Variants in LRP1B observed in about 807,000 individuals in gnomAD.
LRP1B encodes LDL receptor related protein 1B, also known as low-density lipoprotein receptor-related protein 1B.
A neutral mutation model predicts 556.6 loss-of-function variants in LRP1B; 217 were observed. The observed-to-expected ratio is 0.39, with a 90% confidence interval of 0.35 to 0.44. The LOEUF is 0.44. Among genes scored for constraint, LRP1B ranks in the 20% least tolerant of loss-of-function variants. The pLI is 1.00. For missense variants in LRP1B, 5,053 were observed against 5,620.8 expected (o/e 0.90, Z 3.23); for synonymous variants, 2,047 against 1,865.8 (o/e 1.10, Z -2.50).
At chr2:140,826,606 G>C (rs927789075) in intron 31 of LRP1B, among the ~76,000 whole-genome samples, 2 of 152,098 alleles carry the variant, frequency 1.3e-5, no homozygotes, top group African/African-American at 2.4e-5. Flanking sequence ...TGGGCCTTTC[G>C]ATTCATAATG....
chr2:140,594,870 G>A (rs1004515951), intron 43 of LRP1B, among the ~76,000 whole-genome samples: 2 of 151,602 alleles, frequency 1.3e-5, no homozygotes, highest in South Asian at 2.1e-4. Flanking sequence ...GATGTTTTGC[G>A]TCTCTTCTTA....
intron 2 of LRP1B, among the ~76,000 whole-genome samples, chr2:141,686,346 G>A (rs886837949): frequency 6.6e-6 from 1 of 151,734 alleles, no homozygotes; most frequent in African/African-American, 2.4e-5. Flanking sequence ...TAAATGTTTG[G>A]GTCAGTCTAA....
intron 18 of LRP1B, among the ~76,000 whole-genome samples, chr2:140,959,082 T>C (rs74437013): frequency 1.3e-3 from 193 of 150,812 alleles, no homozygotes; most frequent in African/African-American, 4.5e-3. Context: ...TGTAAGTCTA[T>C]TGAGCTTGTC....
At chr2:140,714,382 A>G (rs139994569) in intron 37 of LRP1B, among the ~76,000 whole-genome samples, 2 of 152,246 alleles carry the variant, frequency 1.3e-5, no homozygotes, top group African/African-American at 4.8e-5. Context: ...AGGTGTAGTC[A>G]TAGGCTAAGA....
In LRP1B at chr2:140,496,100, T is replaced by C. The variant is rs566065812; in HGVS notation, c.8851-352A>G. 2.0e-5 allele frequency among the ~76,000 whole-genome samples: 3 copies of C among 152,310 alleles called. No homozygotes were observed. The South Asian group carries it at 6.2e-4, about 32-fold the overall frequency. On this transcript the variant is annotated intron_variant, in intron 55 of 90. Coordinates refer to ENST00000389484, the MANE Select transcript of LRP1B (RefSeq NM_018557.3). ...ATTACATTGTCTTTTTAGAATATTT[T>C]AGCAACTATAAGAATTAATCCTTAC...
At chr2:141,342,628 C>T (rs1039994956) in intron 3 of LRP1B, among the ~76,000 whole-genome samples, 3 of 151,482 alleles carry the variant, frequency 2.0e-5, no homozygotes, top group Non-Finnish European at 2.9e-5. Context: ...TATCAGAGAT[C>T]GAAGAACAAC....
chr2:140,679,757 G>A (rs1452123964), intron 41 of LRP1B, among the ~76,000 whole-genome samples: 1 of 151,224 alleles, frequency 6.6e-6, no homozygotes, highest in Non-Finnish European at 1.5e-5. Context: ...GGGCTAGAAT[G>A]TGGAATCAAA....
chr2:142,046,999 A>G (rs1202112393), intron 1 of LRP1B, among the ~76,000 whole-genome samples: 1 of 152,062 alleles, frequency 6.6e-6, no homozygotes, highest in East Asian at 1.9e-4. Context: ...TAATTGGCAC[A>G]GTAGGGTTCA....
intron 27 of LRP1B, among the ~76,000 whole-genome samples, chr2:140,865,236 A>C (rs187584476): frequency 2.6e-5 from 4 of 152,178 alleles, no homozygotes; most frequent in South Asian, 2.1e-4. Flanking sequence ...TTGTAAGAAA[A>C]CTGGTGCTGA....
chr2:141,641,671 G>T (rs1256694903), intron 2 of LRP1B, among the ~76,000 whole-genome samples: 1 of 152,042 alleles, frequency 6.6e-6, no homozygotes, highest in Non-Finnish European at 1.5e-5. Flanking sequence ...ATAGACATTT[G>T]TCATGTACAT....
intron 3 of LRP1B, among the ~76,000 whole-genome samples, chr2:141,276,338 G>T (rs545584811): frequency 1.6e-4 from 24 of 151,272 alleles, no homozygotes; most frequent in Admixed American, 4.6e-4. Flanking sequence ...GTGCAGGTTT[G>T]CTATATAGGT....
chr2:141,147,960 TA>T (rs2105074463), intron 7 of LRP1B, among the ~76,000 whole-genome samples: 1 of 152,334 alleles, frequency 6.6e-6, no homozygotes, highest in South Asian at 2.1e-4. Flanking sequence ...GTTTATATCC[TA>T]AAAGCAGTAA....
At chr2:140,995,159 A>G (rs1697207305) in intron 15 of LRP1B, among the ~76,000 whole-genome samples, 2 of 151,930 alleles carry the variant, frequency 1.3e-5, no homozygotes, top group South Asian at 4.1e-4. Context: ...AACTAGTTTT[A>G]CTCACTTCTG....
At chr2:140,640,212 T>C (rs1344063158) in intron 41 of LRP1B, among the ~76,000 whole-genome samples, 2 of 148,148 alleles carry the variant, frequency 1.3e-5, no homozygotes, top group East Asian at 4.0e-4. Flanking sequence ...CACTGTGGTC[T>C]CGATCTCCTG....
At chr2:140,994,219 T>C (rs1697176510) in intron 15 of LRP1B, 84 bp from the exon 16 acceptor site, 2 of 1,226,134 alleles carry the variant, frequency 1.6e-6, no homozygotes, top group Admixed American at 2.0e-5. Flanking sequence ...AGTTTTTTGT[T>C]TGTTTTAGAT....
chr2:140,674,125 T>G (rs1341105975), intron 41 of LRP1B, among the ~76,000 whole-genome samples: 1 of 151,864 alleles, frequency 6.6e-6, no homozygotes, highest in Non-Finnish European at 1.5e-5. Flanking sequence ...ATTTTTTGTA[T>G]TTTTAGTAGA....
chr2:141,934,993 T>C (rs186502520), intron 1 of LRP1B, among the ~76,000 whole-genome samples: 166 of 152,276 alleles, frequency 1.1e-3, no homozygotes, highest in Non-Finnish European at 1.9e-3. Flanking sequence ...AACCAGTCAT[T>C]ACTTCAGGAA....
At chr2:141,068,559 A>AC (rs1225708235) in intron 7 of LRP1B, among the ~76,000 whole-genome samples, 1 of 132,820 alleles carries the variant, frequency 7.5e-6, no homozygotes, top group African/African-American at 2.8e-5. Context: ...GTGGTTGGCA[A>AC]AAAAAAAAAA....
intron 3 of LRP1B, among the ~76,000 whole-genome samples, chr2:141,374,911 G>A (rs1689371822): frequency 6.6e-6 from 1 of 152,098 alleles, no homozygotes; most frequent in Non-Finnish European, 1.5e-5. Flanking sequence ...CCATTGTTGT[G>A]GTCCTTTGGT....
Sources: gnomAD v4.1 joint callset for allele counts (sites outside exome capture counted in the v4.1 genomes callset) on GRCh38, gnomAD v4.1.1 for gene constraint, MANE v1.5 for transcripts, NCBI Gene and HGNC (gene_info 2026-07-23, HGNC 2026-07-21) for gene names.